The following NSUN3 variants were observed in gnomAD, a reference collection of about 807,000 sequenced individuals.
The protein encoded by NSUN3 is NOP2/Sun RNA methyltransferase 3.
In NSUN3, 24 loss-of-function variants were observed where a neutral mutation model predicts 36.8. That is an observed-to-expected ratio of 0.65 (90% CI 0.47 to 0.92). The LOEUF (loss-of-function observed/expected upper bound fraction) is 0.92, where lower values mean the gene tolerates loss of function less well. Ranked by LOEUF, NSUN3 falls within the 40% of genes least tolerant of loss-of-function variation. The probability of loss-of-function intolerance (pLI) is 0.00; values close to 1 mark genes in which losing one functional copy is unlikely to be tolerated. For missense variants in NSUN3, 381 were observed against 392.8 expected, an observed-to-expected ratio of 0.97 and a Z score of 0.25; for synonymous variants, 146 against 145.2, an observed-to-expected ratio of 1.01 and a Z score of -0.04.
intron 2 of NSUN3, among the ~76,000 whole-genome samples, 165 bp from the exon 3 acceptor site, chr3:94,083,942 A>T (rs1031828744): frequency 2.6e-5 from 4 of 152,208 alleles, no homozygotes; most frequent in Admixed American, 6.5e-5. Context: ...GTCCTGTCAG[A>T]GGCTCATGAG....
intron 5 of NSUN3, among the ~76,000 whole-genome samples, chr3:94,120,070 T>G (rs1307630140): frequency 6.6e-6 from 1 of 152,254 alleles, no homozygotes; most frequent in Non-Finnish European, 1.5e-5. Context: ...GTTTGTAAAT[T>G]ATGAGGCTTC....
intron 2 of NSUN3, chr3:94,076,010 G>A: frequency 1.9e-6 from 3 of 1,607,508 alleles, no homozygotes; most frequent in Non-Finnish European, 2.6e-6. Flanking sequence ...TTCTGATACA[G>A]AACAAATCAC....
intron 5 of NSUN3, among the ~76,000 whole-genome samples, chr3:94,115,562 C>G (rs2077436684): frequency 6.6e-6 from 1 of 152,192 alleles, no homozygotes; most frequent in African/African-American, 2.4e-5. Context: ...GCGATTGTGA[C>G]TTCAAACTTG....
At chr3:94,097,480 C>A (rs116393528) in intron 5 of NSUN3, among the ~76,000 whole-genome samples, 1 of 151,840 alleles carries the variant, frequency 6.6e-6, no homozygotes, top group Non-Finnish European at 1.5e-5. Context: ...ATCCTTTAAT[C>A]CTCTATTTCT....
chr3:94,106,331 A>C (rs1011901865), intron 5 of NSUN3, among the ~76,000 whole-genome samples: 1 of 152,214 alleles, frequency 6.6e-6, no homozygotes, highest in Non-Finnish European at 1.5e-5. Flanking sequence ...CTGACAAAAG[A>C]ATAGCCGCTG....
intron 2 of NSUN3, among the ~76,000 whole-genome samples, chr3:94,073,863 A>G (rs1378856230): frequency 6.6e-6 from 1 of 152,188 alleles, no homozygotes; most frequent in Non-Finnish European, 1.5e-5. Context: ...TTTAGACATG[A>G]AGTCTTTGCC....
At chr3:94,064,395 G>A (rs774959480) in intron 1 of NSUN3, 42 bp from the exon 2 acceptor site, 1 of 1,190,890 alleles carries the variant, frequency 8.4e-7, no homozygotes, top group Non-Finnish European at 1.3e-6. Context: ...CAGTAAATTT[G>A]TAATATCACT....
At chr3:94,106,645 G>T (rs530126503) in intron 5 of NSUN3, among the ~76,000 whole-genome samples, 8 of 152,086 alleles carry the variant, frequency 5.3e-5, no homozygotes, top group Non-Finnish European at 7.4e-5. Context: ...TTCTTTGGTC[G>T]TAGTGTATAA....
At chr3:94,075,888 C>T in intron 2 of NSUN3, 1 of 1,303,810 alleles carries the variant, frequency 7.7e-7, no homozygotes, top group Non-Finnish European at 1.1e-6. Context: ...AGTCTAAAAT[C>T]ACAAGAAGTA....
chr3:94,090,685 T>A (rs1490226972), intron 3 of NSUN3, among the ~76,000 whole-genome samples: 1 of 152,164 alleles, frequency 6.6e-6, no homozygotes, highest in Non-Finnish European at 1.5e-5. Flanking sequence ...TAAACAAAAA[T>A]TTTTAAATGC....
At chr3:94,065,647 GA>G (rs2077201439) in intron 2 of NSUN3, among the ~76,000 whole-genome samples, 1 of 152,186 alleles carries the variant, frequency 6.6e-6, no homozygotes, top group African/African-American at 2.4e-5. Flanking sequence ...AGGTGATTCT[GA>G]GATAATTTTA....
chr3:94,110,720 G>A (rs2077412436), intron 5 of NSUN3, among the ~76,000 whole-genome samples: 1 of 151,052 alleles, frequency 6.6e-6, no homozygotes, highest in East Asian at 2.0e-4. Context: ...GAAAAAGAGT[G>A]GAGATATACA....
chr3:94,077,215 G>T, intron 2 of NSUN3: 1 of 660,844 alleles, frequency 1.5e-6, no homozygotes, highest in Non-Finnish European at 2.8e-6. Context: ...GTCGGGTGTT[G>T]CAGGAGGGGC....
At chr3:94,107,105 A>G (rs2077392871) in intron 5 of NSUN3, among the ~76,000 whole-genome samples, 2 of 151,986 alleles carry the variant, frequency 1.3e-5, no homozygotes. Context: ...AGCTAATTGT[A>G]TTTTTTGTAG....
At chr3:94,100,323 A>C (rs952870120) in intron 5 of NSUN3, among the ~76,000 whole-genome samples, 1 of 152,242 alleles carries the variant, frequency 6.6e-6, no homozygotes, top group Non-Finnish European at 1.5e-5. Flanking sequence ...TCTGTTATTT[A>C]CTACAACATA....
chr3:94,066,271 A>G (rs77723799), intron 2 of NSUN3, among the ~76,000 whole-genome samples: 2,192 of 152,234 alleles, frequency 0.014, 65 homozygotes, highest in African/African-American at 0.05. Context: ...TTTTTGTGGT[A>G]ATTTAAGTTT....
At chr3:94,123,228 T>A (rs2096471533) in intron 5 of NSUN3, among the ~76,000 whole-genome samples, 1 of 152,204 alleles carries the variant, frequency 6.6e-6, no homozygotes, top group Admixed American at 6.5e-5. Context: ...GCTCTCACTC[T>A]GAGGCTTCAC....
chr3:94,107,974 CTTTTTT>C (rs11437686), intron 5 of NSUN3, among the ~76,000 whole-genome samples: 4 of 114,460 alleles, frequency 3.5e-5, no homozygotes, highest in Admixed American at 1.1e-4. Flanking sequence ...TTTTTTTTTC[CTTTTTT>C]TTTTTTTTTT....
chr3:94,071,203 CTAA>C (rs570632415), intron 2 of NSUN3, among the ~76,000 whole-genome samples: 125 of 152,188 alleles, frequency 8.2e-4, no homozygotes, highest in Non-Finnish European at 2.4e-4. Context: ...CGGTTTTGTA[CTAA>C]TAATATTATT....
Sources: allele counts gnomAD v4.1 joint callset (sites outside exome capture counted in the v4.1 genomes callset), GRCh38; gene constraint gnomAD v4.1.1; transcripts MANE v1.5; gene names NCBI Gene and HGNC (gene_info 2026-07-23, HGNC 2026-07-21).